RAPH1: variants seen among roughly 807,000 people sequenced by gnomAD.
RAPH1 encodes the protein Ras association (RalGDS/AF-6) and pleckstrin homology domains 1, also known as ras-associated and pleckstrin homology domains-containing protein 1.
Under a neutral mutation model 88.1 loss-of-function variants are expected in RAPH1, and 18 were observed. The observed-to-expected ratio is 0.20, with a 90% CI of 0.14 to 0.30. RAPH1 has a LOEUF of 0.30. Ranked by LOEUF, RAPH1 falls within the 10% of genes least tolerant of loss-of-function variation. The probability of loss-of-function intolerance (pLI) is 1.00; values close to 1 mark genes in which losing one functional copy is unlikely to be tolerated. For synonymous variants in RAPH1, 587 were observed against 559.0 expected (o/e 1.05, Z -0.71); for missense variants, 1,448 against 1,543.2 (o/e 0.94, Z 1.03).
intron 4 of RAPH1, among the ~76,000 whole-genome samples, chr2:203,475,019 G>C (rs2098536148): frequency 6.6e-6 from 1 of 152,206 alleles, no homozygotes; most frequent in South Asian, 2.1e-4. Flanking sequence ...GCTGAGGCGG[G>C]AGAATCGTTT....
chr2:203,468,100 T>G (rs1015287410), intron 4 of RAPH1, among the ~76,000 whole-genome samples: 1 of 152,204 alleles, frequency 6.6e-6, no homozygotes, highest in Non-Finnish European at 1.5e-5. Context: ...TAACACTGCC[T>G]ATGGTAGGAA....
At position 203,440,610 on chromosome 2, in the gene RAPH1, C is replaced by A. The variant is rs114111739; in HGVS notation, c.2580G>T (p.Ser860=). ...PPPSPLSPVP[S]VVKQIASQFP... is the part of the protein sequence containing the mutation. The stretch of plus-strand genomic sequence containing the variant: ...ACTGGCTGGCTATCTGCTTCACGAC[C>A]GAGGGCACCGGTGACAGTGGAGAGG... Residue 860 remains serine, a synonymous_variant, in exon 14 of 14, where the codon TCG becomes TCT. Transcript: ENST00000319170. The A allele has an allele frequency of 1.6e-5, 24 of 1,543,650 alleles. No individual in the cohort carries two copies. Among genetic ancestry groups the A allele is most frequent in the Non-Finnish European group, 6.1e-6 (7 of 1,146,848 alleles).
chr2:203,523,202 G>A (rs1039210961), intron 1 of RAPH1, among the ~76,000 whole-genome samples: 2 of 151,922 alleles, frequency 1.3e-5, no homozygotes, highest in Non-Finnish European at 2.9e-5. Context: ...GACCATCCTG[G>A]TTAACACGGT....
At chr2:203,443,651 A>G (rs2098506346) in intron 13 of RAPH1, 1 of 152,160 alleles carries the variant, frequency 6.6e-6, no homozygotes, top group East Asian at 1.9e-4. Context: ...AAAAAAAAAA[A>G]AGGTAAGGAA....
rs569883508 is a variant in RAPH1, at chr2:203,491,614, G to A, written c.121-295C>T. Among the ~76,000 whole-genome samples the A allele has an allele frequency of 2.4e-4, 37 of 152,108 alleles. No individual in the cohort carries two copies. The Middle Eastern group carries it at 0.01, about 42-fold the overall frequency. On this transcript the variant is annotated intron_variant, in intron 2 of 13. Coordinates refer to ENST00000319170, the MANE Select transcript of RAPH1 (RefSeq NM_213589.3). ...TGGCTCACTGCAACCTCCGCCTCCC[G>A]GGTTCAAGGGATCCTCCCGAGTAGT...
chr2:203,483,130 T>A (rs1158324096), intron 4 of RAPH1, among the ~76,000 whole-genome samples: 8 of 152,098 alleles, frequency 5.3e-5, no homozygotes, highest in Admixed American at 5.2e-4. Flanking sequence ...TTATAGGCAT[T>A]ATAGGGGTTT....
chr2:203,472,490 A>G (rs934487490), intron 4 of RAPH1, among the ~76,000 whole-genome samples: 1 of 152,160 alleles, frequency 6.6e-6, no homozygotes, highest in African/African-American at 2.4e-5. Context: ...AGCAACTATA[A>G]CTTTCATTGC....
rs1688153833 is a variant in RAPH1 at position 203,489,660 on chromosome 2, A to G, written c.656T>C (p.Met219Thr). The G allele has an allele frequency of 6.2e-7, 1 of 1,614,046 alleles. No homozygotes were observed. Among genetic ancestry groups the G allele is most frequent in the South Asian group, 1.1e-5 (1 of 91,082 alleles). The change falls in exon 4 of 14, where the codon ATG becomes ACG. Residue 219 changes from methionine to threonine, a missense_variant. This residue lies in a region of RAPH1 where 513 missense variants were observed against 653.1 expected (regional missense o/e 0.79). Transcript: ENST00000319170. ...HSSITSAASSMDSLDIDKVTR... is the reference protein window; with the variant it reads ...HSSITSAASSTDSLDIDKVTR... ...TACTTTATCAATATCCAAAGAGTCC[A>G]TGCTGGAGGCTGCGGAAGTGATGCT...
At chr2:203,520,722 A>T (rs1689830173) in intron 1 of RAPH1, among the ~76,000 whole-genome samples, 1 of 152,126 alleles carries the variant, frequency 6.6e-6, no homozygotes, top group Non-Finnish European at 1.5e-5. Context: ...AAACCATCAG[A>T]CTCATAAAGT....
At chr2:203,444,680 C>G (rs1024306218) in intron 13 of RAPH1, 188 bp downstream of exon 13, 2 of 452,534 alleles carry the variant, frequency 4.4e-6, no homozygotes, top group Non-Finnish European at 7.6e-6. Flanking sequence ...TACTCATTTC[C>G]AAGGGGAAGT....
chr2:203,440,908 G>C lies in RAPH1; in HGVS notation c.2282C>G (p.Pro761Arg). The C allele has an allele frequency of 6.5e-6, 10 of 1,530,984 alleles. No homozygotes were observed. Among genetic ancestry groups the C allele is most frequent in the Non-Finnish European group, 8.8e-6 (10 of 1,133,824 alleles). The allele number at this position is 1,530,984 out of a possible 1,614,324, so 94.8% of individuals were successfully genotyped here. Reference sequence around the variant, plus strand: ...GATAGGAGGAGGTGGGGGGGGTGTTGGGGGAGCCACCTGAGTAATATGCTG... The same window carrying C: ...GATAGGAGGAGGTGGGGGGGGTGTTCGGGGAGCCACCTGAGTAATATGCTG... Reference protein sequence around the residue: ...QVQHITQVAPPTPPPPPPIPA... With the variant: ...QVQHITQVAPRTPPPPPPIPA... Residue 761 changes from proline (P) to arginine (R), a missense_variant, in exon 14 of 14, where the codon CCA becomes CGA. Pro to Arg is a moderately radical substitution (Grantham distance 103). Transcript: ENST00000319170.
chr2:203,510,014 A>G (rs1282723500), intron 1 of RAPH1, among the ~76,000 whole-genome samples: 4 of 152,122 alleles, frequency 2.6e-5, no homozygotes, highest in Non-Finnish European at 5.9e-5. Flanking sequence ...CCATGAGCCA[A>G]TTAAACCTCT....
At chr2:203,511,492 C>T (rs1487313302) in intron 1 of RAPH1, among the ~76,000 whole-genome samples, 1 of 152,158 alleles carries the variant, frequency 6.6e-6, no homozygotes, top group Non-Finnish European at 1.5e-5. Context: ...GTTAATGACT[C>T]TCTGGTAAAA....
rs1177182135 is a variant in RAPH1 at position 203,436,890 on chromosome 2, T to C, written c.*2547A>G. ...CCCACTAGGGAGTAAAACAGAAGTA[T>C]AAAGTATCACTTTAGTGGTTTTTTA... is the stretch of plus-strand genomic sequence containing the variant. On this transcript the variant is annotated 3_prime_UTR_variant, in exon 14 of 14. Coordinates refer to ENST00000319170, the MANE Select transcript of RAPH1 (RefSeq NM_213589.3). The C allele has an allele frequency of 6.6e-6, 1 of 152,230 alleles. No homozygotes were observed. Among genetic ancestry groups the C allele is most frequent in the Admixed American group, 6.5e-5 (1 of 15,288 alleles). The allele number at this position is 152,230 out of a possible 1,614,324, so 9.4% of individuals were successfully genotyped here.
rs957715397 is a variant in RAPH1, at chr2:203,437,803, A to T, written c.*1634T>A. On this transcript the variant is annotated 3_prime_UTR_variant, in exon 14 of 14. Transcript: ENST00000319170. ...TGGCATCACTTTTTCCTTGTGGGAC[A>T]ATGTCAACTGATTTCTGCAGTTTGC... 4.2e-5 allele frequency: 8 copies of T among 192,396 alleles called. No individual in the cohort carries two copies. Among genetic ancestry groups the T allele is most frequent in the African/African-American group, 1.9e-4 (8 of 41,996 alleles). 11.9% of individuals were successfully genotyped at this position (192,396 alleles called of 1,614,324 possible). A position where few individuals can be genotyped will look rare whatever the true frequency, so the allele number is the denominator to read the frequency against.
At chr2:203,469,748 C>A (rs377268483) in intron 4 of RAPH1, among the ~76,000 whole-genome samples, 1 of 152,176 alleles carries the variant, frequency 6.6e-6, no homozygotes, top group Non-Finnish European at 1.5e-5. Context: ...GGCAGAGAAC[C>A]GGGCAATTAA....
In RAPH1 at chr2:203,457,562, T is replaced by C. The variant is rs1263846491; in HGVS notation, c.1126A>G (p.Met376Val). 5 of 1,612,782 alleles carry C rather than the reference T, an allele frequency of 3.1e-6. No individual in the cohort carries two copies. In the South Asian group the frequency reaches 5.5e-5, roughly 18 times the overall value. ...YLLGKKETAE[M>V]ADRNKEVLLE... ...AGGACTTCTTTGTTTCTATCTGCCATCTCAGCTGTTTCTTTTTTCCCCAAA... is the reference window on the plus strand; with the variant it reads ...AGGACTTCTTTGTTTCTATCTGCCACCTCAGCTGTTTCTTTTTTCCCCAAA... The change falls in exon 8 of 14, where the codon ATG (methionine) becomes GTG (valine). Residue 376 changes from methionine (M) to valine (V), a missense_variant. By Grantham distance (21) the Met-to-Val change is conservative (BLOSUM62 1). Transcript: ENST00000319170.
chr2:203,506,783 GATATATATATCTAT>G (rs1689045947), intron 1 of RAPH1, among the ~76,000 whole-genome samples: 1 of 38,354 alleles, frequency 2.6e-5, no homozygotes, highest in African/African-American at 1.2e-4. Context: ...TATATATCTA[GATATATATATCTAT>G]ATATATATCT....
chr2:203,481,599 ATT>A (rs1191553591), intron 4 of RAPH1, among the ~76,000 whole-genome samples: 1 of 137,086 alleles, frequency 7.3e-6, no homozygotes, highest in Non-Finnish European at 1.6e-5. Flanking sequence ...ATATATACAC[ATT>A]TTTTTTTTGA....
Sources: gnomAD v4.1 joint callset for allele counts (sites outside exome capture counted in the v4.1 genomes callset) on GRCh38, gnomAD v4.1.1 for gene constraint, gnomAD v4.1.1 regional missense constraint, MANE v1.5 for transcripts, NCBI Gene and HGNC (gene_info 2026-07-23, HGNC 2026-07-21) for gene names.